SRGAP3: variants seen among roughly 807,000 people sequenced by gnomAD.
SRGAP3 encodes the protein SLIT-ROBO Rho GTPase-activating protein 3.
In SRGAP3, 39 loss-of-function variants were observed where a neutral mutation model predicts 121.1. That is an observed-to-expected ratio of 0.32 (90% CI 0.25 to 0.42). The LOEUF (loss-of-function observed/expected upper bound fraction) is 0.42, where lower values mean the gene tolerates loss of function less well. SRGAP3 is among the 10% of genes least tolerant of loss of function. The pLI is 1.00. For missense variants in SRGAP3, 1,213 were observed against 1,470.6 expected, an observed-to-expected ratio of 0.82 and a Z score of 2.86; for synonymous variants, 601 against 570.0, an observed-to-expected ratio of 1.05 and a Z score of -0.77.
chr3:9,349,684 G>C (rs2029954045), intron 1 of SRGAP3: 1 of 153,228 alleles, frequency 6.5e-6, no homozygotes, highest in South Asian at 2.1e-4. Context: ...CCTGAATTTA[G>C]TTTATGTGTT....
intron 3 of SRGAP3, among the ~76,000 whole-genome samples, chr3:9,302,702 G>A (rs974497658): frequency 6.6e-6 from 1 of 152,212 alleles, no homozygotes; most frequent in African/African-American, 2.4e-5. Flanking sequence ...CAGTGAGGAA[G>A]GGCTAGCGTC....
chr3:9,315,988 G>A (rs911909918), intron 3 of SRGAP3, among the ~76,000 whole-genome samples: 2 of 152,184 alleles, frequency 1.3e-5, no homozygotes, highest in Admixed American at 1.3e-4. Context: ...AATACTTCAC[G>A]AAAGTGGATC....
chr3:9,303,299 C>T (rs1454783499), intron 3 of SRGAP3, among the ~76,000 whole-genome samples: 2 of 152,076 alleles, frequency 1.3e-5, no homozygotes, highest in African/African-American at 4.8e-5. Context: ...GTGGCGCATG[C>T]CTGTAGTCCC....
At chr3:9,078,422 G>A (rs534623341) in intron 4 of SRGAP3, among the ~76,000 whole-genome samples, 4 of 152,114 alleles carry the variant, frequency 2.6e-5, no homozygotes, top group Non-Finnish European at 4.4e-5. Flanking sequence ...AATCCCATTC[G>A]GTTTACCAGG....
chr3:9,331,571 CT>C (rs1955609086), intron 1 of SRGAP3, among the ~76,000 whole-genome samples: 1 of 152,328 alleles, frequency 6.6e-6, no homozygotes, highest in East Asian at 1.9e-4. Flanking sequence ...ACATGGTAGA[CT>C]AAAAAGACTT....
chr3:9,264,444 G>A (rs1158409054), intron 3 of SRGAP3, among the ~76,000 whole-genome samples: 1 of 152,178 alleles, frequency 6.6e-6, no homozygotes, highest in East Asian at 1.9e-4. Context: ...TCTGTTTGCA[G>A]ATGACATGAT....
rs141990787 is a variant in SRGAP3, at chr3:9,314,666, T to C, written n.442+11344A>G. On this transcript the variant is annotated intron_variant and non_coding_transcript_variant, in intron 3 of 3. Coordinates refer to the SRGAP3 transcript ENST00000490889. Reference sequence around the variant, plus strand: ...CCTCTCCCCACCCTGCCCTCCTCTCTCCACCCTGCCCTCCTCTCCCCAGTG... The same window carrying C: ...CCTCTCCCCACCCTGCCCTCCTCTCCCCACCCTGCCCTCCTCTCCCCAGTG... Among the ~76,000 whole-genome samples, 609 of 147,852 alleles carry C rather than the reference T, an allele frequency of 4.1e-3. 7 individuals are homozygous for C. The highest frequency in any genetic ancestry group is 0.015 in the African/African-American group (578 of 38,200).
intron 3 of SRGAP3, among the ~76,000 whole-genome samples, chr3:9,258,944 T>G (rs1374994614): frequency 6.6e-6 from 1 of 152,216 alleles, no homozygotes; most frequent in East Asian, 1.9e-4. Context: ...CAGCCTGCGA[T>G]GTCCTCCTCG....
intron 3 of SRGAP3, among the ~76,000 whole-genome samples, chr3:9,282,487 G>C (rs147517667): frequency 2.6e-5 from 4 of 151,966 alleles, no homozygotes; most frequent in African/African-American, 9.7e-5. Flanking sequence ...ATTTGTTTTT[G>C]TTTTTGTTTT....
intron 1 of SRGAP3, among the ~76,000 whole-genome samples, chr3:9,230,634 G>A (rs1432963733): frequency 6.6e-6 from 1 of 152,168 alleles, no homozygotes; most frequent in Non-Finnish European, 1.5e-5. Flanking sequence ...ACTTTGGAAG[G>A]ATAAGGCAGG....
chr3:9,028,784 C>G (rs1343771863), intron 12 of SRGAP3, among the ~76,000 whole-genome samples: 1 of 152,192 alleles, frequency 6.6e-6, no homozygotes, highest in Non-Finnish European at 1.5e-5. Flanking sequence ...TGCTCTCCTT[C>G]CTCCCCTCTT....
At chr3:9,046,729 T>A (rs1270193140) in intron 10 of SRGAP3, among the ~76,000 whole-genome samples, 4 of 152,198 alleles carry the variant, frequency 2.6e-5, no homozygotes, top group African/African-American at 9.6e-5. Flanking sequence ...TCTGAGGCCC[T>A]GGATTCCCAC....
At chr3:9,023,855 C>T (rs2125064348) in intron 14 of SRGAP3, among the ~76,000 whole-genome samples, 1 of 152,272 alleles carries the variant, frequency 6.6e-6, no homozygotes, top group South Asian at 2.1e-4. Context: ...CAGAAGGCCA[C>T]TGAGCATGAC....
intron 15 of SRGAP3, 125 bp downstream of exon 15, chr3:9,015,472 G>T: frequency 8.0e-7 from 1 of 1,249,582 alleles, no homozygotes. Context: ...AGTTCTACGA[G>T]GATGCACGTC....
chr3:9,029,538 A>G (rs1278290998), intron 12 of SRGAP3, among the ~76,000 whole-genome samples: 1 of 152,208 alleles, frequency 6.6e-6, no homozygotes, highest in Non-Finnish European at 1.5e-5. Flanking sequence ...CTAGACCACC[A>G]TAATTGTGAA....
At chr3:9,314,036 T>C (rs1031874029) in intron 3 of SRGAP3, among the ~76,000 whole-genome samples, 2 of 152,252 alleles carry the variant, frequency 1.3e-5, no homozygotes, top group African/African-American at 4.8e-5. Flanking sequence ...GTTTTTTGTA[T>C]ATCTCTGCCT....
intron 8 of SRGAP3, among the ~76,000 whole-genome samples, chr3:9,053,462 T>A (rs951110164): frequency 2.6e-4 from 39 of 152,368 alleles, no homozygotes; most frequent in African/African-American, 9.1e-4. Flanking sequence ...TATTTTATCG[T>A]ATGGCTTCTG....
chr3:9,289,589 G>C (rs942747592), intron 3 of SRGAP3, among the ~76,000 whole-genome samples: 6 of 152,062 alleles, frequency 3.9e-5, no homozygotes, highest in African/African-American at 1.2e-4. Context: ...TTTTTTTGGG[G>C]GGGCCCTACA....
At chr3:9,350,942 A>C (rs1004061927) in intron 1 of SRGAP3, among the ~76,000 whole-genome samples, 12 of 152,204 alleles carry the variant, frequency 7.9e-5, no homozygotes, top group Non-Finnish European at 1.6e-4. Context: ...GGGGGTTGGC[A>C]GGTGAGTTCT....
Sources: gnomAD v4.1 joint callset for allele counts (sites outside exome capture counted in the v4.1 genomes callset) on GRCh38, gnomAD v4.1.1 for gene constraint, MANE v1.5 for transcripts, NCBI Gene and HGNC (gene_info 2026-07-23, HGNC 2026-07-21) for gene names.